The following TPTE2 variants were observed in gnomAD, a reference collection of about 807,000 sequenced individuals.
TPTE2 encodes phosphatidylinositol 3,4,5-trisphosphate 3-phosphatase TPTE2.
Under a neutral mutation model 78.6 loss-of-function variants are expected in TPTE2, and 53 were observed. That is an observed-to-expected ratio of 0.67 (90% confidence interval 0.54 to 0.85). The LOEUF (loss-of-function observed/expected upper bound fraction) is 0.85, where lower values mean the gene tolerates loss of function less well. Ranked by LOEUF, TPTE2 falls within the 40% of genes least tolerant of loss-of-function variation. The pLI is 0.00. For missense variants in TPTE2, 461 were observed against 623.0 expected (o/e 0.74, Z 2.77); for synonymous variants, 175 against 206.2 (o/e 0.85, Z 1.30).
At chr13:19,455,569 C>T (rs1236350796) in intron 10 of TPTE2, among the ~76,000 whole-genome samples, 4 of 28,294 alleles carry the variant, frequency 1.4e-4, no homozygotes, top group African/African-American at 1.8e-4. Flanking sequence ...ATAGGAGTTA[C>T]CCAAGACACC....
At chr13:19,468,394 T>C (rs575976935) in intron 6 of TPTE2, among the ~76,000 whole-genome samples, 5 of 152,256 alleles carry the variant, frequency 3.3e-5, no homozygotes, top group South Asian at 2.1e-4. Flanking sequence ...ATATGTACTA[T>C]ATTTTCTTTA....
intron 10 of TPTE2, among the ~76,000 whole-genome samples, chr13:19,451,519 T>C (rs907959675): frequency 2.6e-5 from 4 of 152,218 alleles, no homozygotes; most frequent in Non-Finnish European, 4.4e-5. Flanking sequence ...TAATTTGTTC[T>C]AAATCATTAA....
At chr13:19,444,173 G>A (rs1419172766) in intron 13 of TPTE2, among the ~76,000 whole-genome samples, 1 of 150,952 alleles carries the variant, frequency 6.6e-6, no homozygotes, top group Non-Finnish European at 1.5e-5. Flanking sequence ...GGGCATGGTG[G>A]CACCTGCCTG....
At chr13:19,433,546 A>G (rs1876838498) in intron 15 of TPTE2, among the ~76,000 whole-genome samples, 1 of 152,188 alleles carries the variant, frequency 6.6e-6, no homozygotes, top group Non-Finnish European at 1.5e-5. Context: ...TCATAAGTTC[A>G]CAGACTGTTC....
chr13:19,534,385 G>A lies in TPTE2; in HGVS notation c.-44+2211C>T, dbSNP rs1343440295. Among the ~76,000 whole-genome samples, 3 of 152,264 alleles carry A rather than the reference G, an allele frequency of 2.0e-5. No individual in the cohort carries two copies. In the East Asian group the frequency reaches 5.8e-4, roughly 29 times the overall value. On this transcript the variant is annotated intron_variant, in intron 1 of 17. Transcript: ENST00000390680. ...CCGTCTGTATATGAAACGCTCCCTT[G>A]GGGGCACTATGCCAGATACCATGCC...
intron 1 of TPTE2, among the ~76,000 whole-genome samples, chr13:19,517,451 G>A (rs1359207102): frequency 2.0e-5 from 3 of 152,160 alleles, no homozygotes; most frequent in Non-Finnish European, 2.9e-5. Context: ...AAGGTCCCTG[G>A]GAGGGGAAAG....
At chr13:19,426,812 C>G (rs939855137) in intron 17 of TPTE2, among the ~76,000 whole-genome samples, 1 of 151,950 alleles carries the variant, frequency 6.6e-6, no homozygotes, top group Non-Finnish European at 1.5e-5. Flanking sequence ...TCAAGTGATT[C>G]TTGTGCCTCA....
At chr13:19,453,688 C>T (rs1323867470) in intron 10 of TPTE2, among the ~76,000 whole-genome samples, 1 of 151,966 alleles carries the variant, frequency 6.6e-6, no homozygotes, top group Non-Finnish European at 1.5e-5. Context: ...AAAAATTCAA[C>T]TCTGCCAAGA....
chr13:19,468,335 T>G (rs1879416814), intron 6 of TPTE2, among the ~76,000 whole-genome samples: 1 of 152,068 alleles, frequency 6.6e-6, no homozygotes, highest in Non-Finnish European at 1.5e-5. Context: ...GCCATTGCAC[T>G]TGGCCAGGAT....
chr13:19,497,176 G>A lies in TPTE2; in HGVS notation c.12-3675C>T, dbSNP rs538300504. Among the ~76,000 whole-genome samples the A allele has an allele frequency of 7.1e-3, 1,081 of 151,652 alleles. 19 individuals are homozygous for A. The highest frequency in any genetic ancestry group is 0.024 in the African/African-American group (1,014 of 41,418). On this transcript the variant is annotated intron_variant, in intron 1 of 19. Coordinates refer to ENST00000400230, the Ensembl canonical transcript of TPTE2. ...GCCCACGGAGTCTCGCTGATTGCTA[G>A]CACAGCAGTCTGAGATCAAACTGCA...
intron 6 of TPTE2, among the ~76,000 whole-genome samples, chr13:19,468,021 A>ATC (rs370217458): frequency 1.7e-5 from 2 of 117,342 alleles, no homozygotes; most frequent in African/African-American, 6.5e-5. Context: ...AAATGACAGG[A>ATC]TCTCTTTTTT....
At chr13:19,448,889 T>C (rs1338088646) in intron 13 of TPTE2, among the ~76,000 whole-genome samples, 1 of 152,210 alleles carries the variant, frequency 6.6e-6, no homozygotes, top group East Asian at 1.9e-4. Flanking sequence ...ATGGAGTCAA[T>C]CTAAATGTCA....
chr13:19,426,384 C>A, intron 18 of TPTE2, 41 bp downstream of exon 21: 2 of 1,358,728 alleles, frequency 1.5e-6, no homozygotes, highest in Non-Finnish European at 2.1e-6. Context: ...ATCATTAGAC[C>A]AGACAAGAAC....
Position 19,535,995 on chromosome 13 carries a change from T to C in TPTE2, c.-44+601A>G, listed in dbSNP as rs1037566919. On this transcript the variant is annotated intron_variant, in intron 1 of 17. Transcript: ENST00000390680. The surrounding 1 kb of genome is among the most constrained non-coding windows in gnomAD (Gnocchi z 5.1). ...ATATGACATCAAAAACAAGCTTCTG[T>C]TTTATTAATAAGGAGAAGATTTATT... 1.3e-5 allele frequency among the ~76,000 whole-genome samples: 2 copies of C among 152,196 alleles called. No individual in the cohort carries two copies.
rs961556203 is a variant in TPTE2 at position 19,496,946 on chromosome 13, C to T, written c.12-3445G>A. Among the ~76,000 whole-genome samples the T allele has an allele frequency of 5.3e-5, 8 of 152,066 alleles. No homozygotes were observed. The South Asian group carries it at 1.2e-3, about 24-fold the overall frequency. ...GGCGCAGGTCAGTGGGTGCGCGCACCGTGCGCGAGCCGAAGCAGGGCGAGG... is the reference window on the plus strand; with the variant it reads ...GGCGCAGGTCAGTGGGTGCGCGCACTGTGCGCGAGCCGAAGCAGGGCGAGG... On this transcript the variant is annotated intron_variant, in intron 1 of 19. Transcript: ENST00000400230.
At chr13:19,484,800 C>A (rs1285142966) in intron 3 of TPTE2, among the ~76,000 whole-genome samples, 1 of 152,030 alleles carries the variant, frequency 6.6e-6, no homozygotes, top group Non-Finnish European at 1.5e-5. Context: ...TATAGCTATC[C>A]CTGCTCACTT....
At chr13:19,525,039 C>A (rs1410458186) in intron 1 of TPTE2, among the ~76,000 whole-genome samples, 1 of 152,054 alleles carries the variant, frequency 6.6e-6, no homozygotes, top group Admixed American at 6.6e-5. Flanking sequence ...TTTTATGTAG[C>A]CTGTCTTTCA....
At position 19,503,237 on chromosome 13, in the gene TPTE2, G is replaced by A. The variant is rs897671041; in HGVS notation, c.-3C>T. 12 of 1,613,498 alleles carry A rather than the reference G, an allele frequency of 7.4e-6. No individual in the cohort carries two copies. Among genetic ancestry groups the A allele is most frequent in the Middle Eastern group, 1.6e-4 (1 of 6,078 alleles). On this transcript the variant is annotated 5_prime_UTR_variant, in exon 1 of 20. In the 5' UTR this introduces an upstream ATG that the reference lacks. Coordinates refer to ENST00000400230, the Ensembl canonical transcript of TPTE2. ...TGCATAACTCACCTTTCATTCATAC[G>A]TGCCTCTGGGTTCACTCCTGATAAT... is the stretch of plus-strand genomic sequence containing the variant.
intron 6 of TPTE2, among the ~76,000 whole-genome samples, chr13:19,473,285 C>G (rs933580278): frequency 6.6e-5 from 10 of 152,340 alleles, no homozygotes; most frequent in Admixed American, 3.3e-4. Flanking sequence ...CTGTGTCCTT[C>G]CCTTCAGGAT....
Sources: gnomAD v4.1 joint callset for allele counts (sites outside exome capture counted in the v4.1 genomes callset) on GRCh38, gnomAD v4.1.1 for gene constraint, Gnocchi (gnomAD v3.1) non-coding constraint, MANE v1.5 for transcripts, NCBI Gene and HGNC (gene_info 2026-07-23, HGNC 2026-07-21) for gene names.